The following SSX2IP variants were observed in gnomAD, a reference collection of about 807,000 sequenced individuals.
SSX2IP encodes the protein afadin- and alpha-actinin-binding protein.
In SSX2IP, 55 loss-of-function variants were observed where a neutral mutation model predicts 84.9. The observed-to-expected ratio is 0.65, with a 90% CI of 0.52 to 0.81. SSX2IP has a LOEUF of 0.81. SSX2IP is among the 30% of genes least tolerant of loss of function. The pLI is 0.00. For missense variants in SSX2IP, 664 were observed against 705.2 expected, an observed-to-expected ratio of 0.94 and a Z score of 0.66; for synonymous variants, 239 against 234.7, an observed-to-expected ratio of 1.02 and a Z score of -0.17.
rs1380011139 is a variant in SSX2IP at position 84,647,541 on chromosome 1, T to A, written c.1737A>T (p.Thr579=). The A allele has an allele frequency of 6.2e-7, 1 of 1,613,644 alleles. No individual in the cohort carries two copies. The highest frequency in any genetic ancestry group is 1.3e-5 in the African/African-American group (1 of 75,022). The change falls in exon 14 of 14, where the codon ACA becomes ACT. Residue 579 remains threonine, a synonymous_variant. Transcript: ENST00000342203. ...IKPNQVGGEC[T]NQKWSVASRP... ...TTGATGCCACACTCCATTTTTGATT[T>A]GTACATTCTCCTCCAACCTGATTTG...
chr1:84,671,303 C>T lies in SSX2IP; in HGVS notation c.-84G>A. The T allele has an allele frequency of 6.4e-7, 1 of 1,561,496 alleles. No homozygotes were observed. On this transcript the variant is annotated 5_prime_UTR_variant, in exon 2 of 14. The change abolishes an upstream ATG in the 5' untranslated region. Transcript: ENST00000342203. Reference sequence around the variant, plus strand: ...AGCTGCTGTCACTCTTCTATGTAGGCATCTCCTTAAAAAGCAGATTATAGA... The same window carrying T: ...AGCTGCTGTCACTCTTCTATGTAGGTATCTCCTTAAAAAGCAGATTATAGA...
At chr1:84,649,838 A>T (rs1257823101) in intron 13 of SSX2IP, 3 of 436,392 alleles carry the variant, frequency 6.9e-6, no homozygotes, top group African/African-American at 2.1e-5. Flanking sequence ...TGTAGCAATT[A>T]AGAGCAACAT....
chr1:84,664,417 C>A lies in SSX2IP; in HGVS notation c.673G>T (p.Ala225Ser). 6.4e-7 allele frequency: 1 copy of A among 1,572,830 alleles called. No individual in the cohort carries two copies. Among genetic ancestry groups the A allele is most frequent in the Non-Finnish European group, 8.6e-7 (1 of 1,166,106 alleles). Residue 225 changes from alanine (A) to serine (S), a missense_variant and splice_region_variant, in exon 6 of 14, where the codon GCT (alanine) becomes TCT (serine). Coordinates refer to ENST00000342203, the MANE Select transcript of SSX2IP (RefSeq NM_001166293.2). ...LVMNKKDKKI[A>S]MDILNYVGRA... ...TAGCTGATCTTTGCCAGCTGTTTACCTATTTTCTTATCTTTCTTGTTCATA... is the reference window on the plus strand; with the variant it reads ...TAGCTGATCTTTGCCAGCTGTTTACATATTTTCTTATCTTTCTTGTTCATA...
Position 84,655,835 on chromosome 1 carries a change from C to T in SSX2IP, c.1386G>A (p.Leu462=). 3 of 1,613,186 alleles carry T rather than the reference C, an allele frequency of 1.9e-6. No homozygotes were observed. The highest frequency in any genetic ancestry group is 2.2e-5 in the East Asian group (1 of 44,874). Residue 462 remains leucine, a synonymous_variant, in exon 11 of 14, where the codon TTG becomes TTA. Coordinates refer to ENST00000342203, the MANE Select transcript of SSX2IP (RefSeq NM_001166293.2). ...SFTEAAIRLG[L]ERKAFEEERA... is the part of the protein sequence containing the mutation. ...GCACTACAATTGTTTAAAATACCTC[C>T]AATCCCAGGCGAATAGCGGCTTCTG...
At chr1:84,686,700 G>A (rs1043802522) in intron 1 of SSX2IP, among the ~76,000 whole-genome samples, 6 of 152,176 alleles carry the variant, frequency 3.9e-5, no homozygotes, top group African/African-American at 1.4e-4. Flanking sequence ...AAGAGACAGG[G>A]GAACGGACTT....
chr1:84,676,381 T>C lies in SSX2IP; in HGVS notation c.-89-5073A>G, dbSNP rs185023070. Among the ~76,000 whole-genome samples the C allele has an allele frequency of 2.6e-5, 4 of 152,346 alleles. No individual in the cohort carries two copies. In the East Asian group the frequency reaches 7.7e-4, roughly 29 times the overall value. On this transcript the variant is annotated intron_variant, in intron 1 of 13. Coordinates refer to ENST00000342203, the MANE Select transcript of SSX2IP (RefSeq NM_001166293.2). ...CTTTATACTGTAATAGAAAATCTTATAATACTTTTAGTAAAAGCTTTACCT... is the reference window on the plus strand; with the variant it reads ...CTTTATACTGTAATAGAAAATCTTACAATACTTTTAGTAAAAGCTTTACCT...
At chr1:84,649,629 T>C (rs947912735) in intron 13 of SSX2IP, 2 of 183,698 alleles carry the variant, frequency 1.1e-5, no homozygotes, top group African/African-American at 4.8e-5. Flanking sequence ...CTCCTACTTT[T>C]AATTAAGAGC....
chr1:84,650,416 G>C lies in SSX2IP; in HGVS notation c.1616C>G (p.Ala539Gly). 6.2e-7 allele frequency: 1 copy of C among 1,614,188 alleles called. No homozygotes were observed. Among genetic ancestry groups the C allele is most frequent in the Non-Finnish European group, 8.5e-7 (1 of 1,180,040 alleles). ...GCAAAAGTCTGAAGTGGAAGGTGAA[G>C]CAGGAAGAGATTTAGTAAGTTTAGA... ...CMSKLTKSLP[A>G]SPSTSDFCQT... The change falls in exon 13 of 14, where the codon GCT (alanine) becomes GGT (glycine). Residue 539 changes from alanine (A) to glycine (G), a missense_variant. By Grantham distance (60) the Ala-to-Gly change is moderately conservative (BLOSUM62 0). Transcript: ENST00000342203.
At chr1:84,672,588 G>T (rs1557511931) in intron 1 of SSX2IP, among the ~76,000 whole-genome samples, 1 of 152,162 alleles carries the variant, frequency 6.6e-6, no homozygotes, top group Non-Finnish European at 1.5e-5. Context: ...GCACTTGACT[G>T]TAAGTTATAC....
chr1:84,687,728 AAAT>A (rs1655991460), intron 1 of SSX2IP, among the ~76,000 whole-genome samples: 1 of 152,184 alleles, frequency 6.6e-6, no homozygotes, highest in Non-Finnish European at 1.5e-5. Flanking sequence ...TCTAAAGTAA[AAAT>A]AAAATATAAT....
chr1:84,673,450 A>G (rs1038238724), intron 1 of SSX2IP, among the ~76,000 whole-genome samples: 1 of 152,250 alleles, frequency 6.6e-6, no homozygotes, highest in Non-Finnish European at 1.5e-5. Flanking sequence ...AAGCAAGGCT[A>G]CAGCGTAGGA....
intron 11 of SSX2IP, among the ~76,000 whole-genome samples, chr1:84,653,180 G>C (rs975191262): frequency 6.6e-6 from 1 of 152,018 alleles, no homozygotes; most frequent in African/African-American, 2.4e-5. Context: ...GCAAAAAATG[G>C]AACAGAATAT....
chr1:84,669,836 T>C lies in SSX2IP; in HGVS notation c.271A>G (p.Lys91Glu), dbSNP rs776169073. The C allele has an allele frequency of 1.9e-6, 3 of 1,613,534 alleles. No individual in the cohort carries two copies. The highest frequency in any genetic ancestry group is 1.7e-4 in the Middle Eastern group (1 of 6,056). The change falls in exon 4 of 14, where the codon AAG becomes GAG. Residue 91 changes from lysine (K) to glutamate (E), a missense_variant. Physicochemically the swap from Lys to Glu is moderately conservative, Grantham distance 56. Transcript: ENST00000342203. Reference sequence around the variant, plus strand: ...ACAGCTACTATATTTAACTCTCTCTTTGTCTCTTTACCTTTGGATTCTTCA... The same window carrying C: ...ACAGCTACTATATTTAACTCTCTCTCTGTCTCTTTACCTTTGGATTCTTCA... ...LYEESKGKET[K>E]RELNIVAVLN...
chr1:84,658,597 C>G, intron 8 of SSX2IP, 129 bp from the exon 9 acceptor site: 1 of 1,025,860 alleles, frequency 9.7e-7, no homozygotes, highest in East Asian at 2.7e-5. Context: ...GTGTCTTATG[C>G]ATATATGGCC....
chr1:84,677,715 C>T (rs181945532), intron 1 of SSX2IP, among the ~76,000 whole-genome samples: 73 of 152,232 alleles, frequency 4.8e-4, no homozygotes, highest in South Asian at 1.2e-3. Flanking sequence ...CAAGCCATCA[C>T]GTTGTAAGCA....
At chr1:84,681,631 T>G (rs1260580623) in intron 1 of SSX2IP, among the ~76,000 whole-genome samples, 1 of 152,198 alleles carries the variant, frequency 6.6e-6, no homozygotes, top group Non-Finnish European at 1.5e-5. Context: ...TTCTGTAAAA[T>G]TTTTAGCAGC....
chr1:84,675,915 T>C (rs530144608), intron 1 of SSX2IP, among the ~76,000 whole-genome samples: 57 of 152,202 alleles, frequency 3.7e-4, no homozygotes, highest in Non-Finnish European at 6.8e-4. Context: ...CTTTCCAGAC[T>C]GAACCAATTA....
At position 84,644,299 on chromosome 1, in the gene SSX2IP, C is replaced by G. The variant is rs1297164466; in HGVS notation, c.*3134G>C. 6.6e-6 allele frequency: 1 copy of G among 152,204 alleles called. No individual in the cohort carries two copies. The highest frequency in any genetic ancestry group is 1.5e-5 in the Non-Finnish European group (1 of 68,026). The allele number at this position is 152,204 out of a possible 1,614,324, so 9.4% of individuals were successfully genotyped here. A position where few individuals can be genotyped will look rare whatever the true frequency, so the allele number is the denominator to read the frequency against. On this transcript the variant is annotated 3_prime_UTR_variant, in exon 14 of 14. Transcript: ENST00000342203. ...ACAGACTGAATGTGTCCGTAGCATC[C>G]ACCATTGTTTATTACAATGTAGGTT... is the stretch of plus-strand genomic sequence containing the variant.
chr1:84,678,782 C>T (rs1309345758), intron 1 of SSX2IP, among the ~76,000 whole-genome samples: 1 of 152,188 alleles, frequency 6.6e-6, no homozygotes, highest in Non-Finnish European at 1.5e-5. Flanking sequence ...TCTGCAGAAA[C>T]ACAGTATTCT....
Sources: allele counts gnomAD v4.1 joint callset (sites outside exome capture counted in the v4.1 genomes callset), GRCh38; gene constraint gnomAD v4.1.1; transcripts MANE v1.5; gene names NCBI Gene and HGNC (gene_info 2026-07-23, HGNC 2026-07-21).